Variants in VPS26A observed in about 807,000 individuals in gnomAD.
VPS26A encodes vacuolar protein sorting-associated protein 26A.
In VPS26A, 22 loss-of-function variants were observed where a neutral mutation model predicts 42.4. The observed-to-expected ratio is 0.52, with a 90% CI of 0.37 to 0.74. The LOEUF is 0.74. Ranked by LOEUF, VPS26A falls within the 30% of genes least tolerant of loss-of-function variation. The probability of loss-of-function intolerance (pLI) is 0.00; values close to 1 mark genes in which losing one functional copy is unlikely to be tolerated. For missense variants in VPS26A, 276 were observed against 379.2 expected (o/e 0.73, Z 2.26); for synonymous variants, 110 against 123.5 (o/e 0.89, Z 0.73).
intron 2 of VPS26A, among the ~76,000 whole-genome samples, chr10:69,135,837 A>C (rs1343535298): frequency 1.3e-5 from 2 of 152,120 alleles, no homozygotes; most frequent in African/African-American, 4.8e-5. Context: ...ATATTTTCTT[A>C]TTATCACCAT....
chr10:69,152,009 T>C (rs74531302), intron 2 of VPS26A, among the ~76,000 whole-genome samples: 3 of 151,102 alleles, frequency 2.0e-5, no homozygotes, highest in East Asian at 3.9e-4. Flanking sequence ...ATTTTTTGCC[T>C]TTTTTTTTAA....
intron 4 of VPS26A, 60 bp from the exon 5 acceptor site, chr10:69,157,987 T>G: frequency 7.0e-7 from 1 of 1,433,640 alleles, no homozygotes; most frequent in Non-Finnish European, 9.3e-7. Flanking sequence ...GTTTGCTGAT[T>G]TAAAACATGA....
At chr10:69,164,118 C>T (rs1841627602) in intron 6 of VPS26A, among the ~76,000 whole-genome samples, 1 of 152,034 alleles carries the variant, frequency 6.6e-6, no homozygotes, top group Admixed American at 6.5e-5. Flanking sequence ...TGAATAAAAA[C>T]AATTTTTATT....
intron 6 of VPS26A, among the ~76,000 whole-genome samples, chr10:69,165,400 C>A (rs1418383090): frequency 6.6e-6 from 1 of 151,960 alleles, no homozygotes; most frequent in East Asian, 1.9e-4. Flanking sequence ...GAACATGTAC[C>A]CCCATATGTG....
At chr10:69,140,193 G>A (rs1018364410) in intron 2 of VPS26A, among the ~76,000 whole-genome samples, 2 of 151,722 alleles carry the variant, frequency 1.3e-5, no homozygotes, top group South Asian at 2.1e-4. Flanking sequence ...TCAGCCTTCC[G>A]AGTAGCTGGG....
chr10:69,137,410 C>T (rs546790588), intron 2 of VPS26A, among the ~76,000 whole-genome samples: 1 of 152,288 alleles, frequency 6.6e-6, no homozygotes, highest in Admixed American at 6.5e-5. Flanking sequence ...GGATTTTCTT[C>T]CAGGCTCACT....
rs1841872571 is a variant in VPS26A, at chr10:69,173,870, G to A, written c.*2601G>A. The stretch of plus-strand genomic sequence containing the variant: ...GCATTAGTCGGGCGTGGTGGCACAT[G>A]CCTGTAATCCCAGCTACTAGGGAGG... On this transcript the variant is annotated 3_prime_UTR_variant, in exon 9 of 9. Transcript: ENST00000263559. Among the ~76,000 whole-genome samples the A allele has an allele frequency of 6.6e-6, 1 of 151,578 alleles. No individual in the cohort carries two copies. Among genetic ancestry groups the A allele is most frequent in the Non-Finnish European group, 1.5e-5 (1 of 67,894 alleles).
At chr10:69,135,387 G>T (rs12242768) in intron 2 of VPS26A, among the ~76,000 whole-genome samples, 8,749 of 152,256 alleles carry the variant, frequency 0.057, 295 homozygotes, top group South Asian at 0.13. Flanking sequence ...GAAAAGGGGG[G>T]TGTTTAAAGT....
intron 1 of VPS26A, among the ~76,000 whole-genome samples, chr10:69,128,264 C>T (rs1415182342): frequency 7.1e-6 from 1 of 140,872 alleles, no homozygotes; most frequent in Non-Finnish European, 1.5e-5. Context: ...CAGAATCTCA[C>T]TCTGTCGCCC....
chr10:69,152,040 A>C (rs1841324178), intron 2 of VPS26A, among the ~76,000 whole-genome samples: 1 of 151,996 alleles, frequency 6.6e-6, no homozygotes, highest in Non-Finnish European at 1.5e-5. Context: ...GCAACATAGT[A>C]AGACCCTGTA....
At chr10:69,139,004 T>A (rs1840983085) in intron 2 of VPS26A, among the ~76,000 whole-genome samples, 1 of 152,250 alleles carries the variant, frequency 6.6e-6, no homozygotes, top group Admixed American at 6.5e-5. Flanking sequence ...TGTCAGAGTG[T>A]ATAGTAATTA....
intron 1 of VPS26A, among the ~76,000 whole-genome samples, chr10:69,127,662 T>C (rs1180940639): frequency 2.6e-5 from 4 of 151,616 alleles, no homozygotes; most frequent in Admixed American, 6.6e-5. Flanking sequence ...TATGCTATAC[T>C]AGGCTTTTTA....
intron 1 of VPS26A, 53 bp downstream of exon 1, chr10:69,124,333 C>G: frequency 3.2e-6 from 4 of 1,233,648 alleles, no homozygotes; most frequent in Non-Finnish European, 4.1e-6. Context: ...CCGGAGCGCG[C>G]GGCGGGCCGG....
At chr10:69,167,742 CAAAAAAAAAAA>C (rs35974356) in intron 7 of VPS26A, among the ~76,000 whole-genome samples, 1 of 66,326 alleles carries the variant, frequency 1.5e-5, no homozygotes, top group African/African-American at 6.3e-5. Context: ...GACTCCATCT[CAAAAAAAAAAA>C]AAAAAAAAAA....
At chr10:69,164,694 A>G (rs1244127302) in intron 6 of VPS26A, among the ~76,000 whole-genome samples, 1 of 152,206 alleles carries the variant, frequency 6.6e-6, no homozygotes, top group East Asian at 1.9e-4. Context: ...AGTTCTAAAA[A>G]TAATTTTCTG....
At chr10:69,131,636 G>T (rs1285516606) in intron 1 of VPS26A, among the ~76,000 whole-genome samples, 1 of 152,056 alleles carries the variant, frequency 6.6e-6, no homozygotes, top group Non-Finnish European at 1.5e-5. Flanking sequence ...GGGAGGCTGA[G>T]GCAGGAGAAT....
intron 2 of VPS26A, among the ~76,000 whole-genome samples, chr10:69,141,638 T>A (rs1309960732): frequency 6.6e-6 from 1 of 152,236 alleles, no homozygotes; most frequent in Non-Finnish European, 1.5e-5. Context: ...GATCAGATTT[T>A]ATCCTAAAAT....
At chr10:69,128,352 C>T (rs1840705914) in intron 1 of VPS26A, among the ~76,000 whole-genome samples, 2 of 151,632 alleles carry the variant, frequency 1.3e-5, no homozygotes, top group African/African-American at 4.8e-5. Flanking sequence ...CTGCCTCAGC[C>T]TCCCGCATAG....
intron 2 of VPS26A, among the ~76,000 whole-genome samples, chr10:69,135,747 GA>G (rs1840893207): frequency 2.0e-5 from 3 of 152,104 alleles, no homozygotes; most frequent in African/African-American, 4.8e-5. Flanking sequence ...ATTGGTTTGA[GA>G]TTTTTTTCAT....
Sources: gnomAD v4.1 joint callset for allele counts (sites outside exome capture counted in the v4.1 genomes callset) on GRCh38, gnomAD v4.1.1 for gene constraint, MANE v1.5 for transcripts, NCBI Gene and HGNC (gene_info 2026-07-23, HGNC 2026-07-21) for gene names.